STARD13: variants seen among roughly 807,000 people sequenced by gnomAD.
STARD13 encodes stAR-related lipid transfer protein 13.
Under a neutral mutation model 106.4 loss-of-function variants are expected in STARD13, and 62 were observed. That is an observed-to-expected ratio of 0.58 (90% CI 0.48 to 0.72). The LOEUF (loss-of-function observed/expected upper bound fraction) is 0.72. Among genes scored for constraint, STARD13 ranks in the 30% least tolerant of loss-of-function variants. The pLI, the probability that STARD13 is intolerant of heterozygous loss-of-function variation, is 0.00. For missense variants in STARD13, 1,387 were observed against 1,424.0 expected (o/e 0.97, Z 0.42); for synonymous variants, 565 against 553.0 (o/e 1.02, Z -0.31).
the STARD13 span, among the ~76,000 whole-genome samples, chr13:33,476,470 C>T: frequency 1.3e-5 from 2 of 152,048 alleles, no homozygotes; most frequent in African/African-American, 4.8e-5. Context: ...TTACTTTGTC[C>T]CTGTTTTGTG....
intron 7 of STARD13, among the ~76,000 whole-genome samples, chr13:33,123,379 CTCT>C (rs1020339343): frequency 1.6e-4 from 25 of 152,184 alleles, no homozygotes; most frequent in Admixed American, 2.0e-4. Context: ...CTTCCATTTC[CTCT>C]TCTTTAGAAA....
chr13:33,480,111 C>T, the STARD13 span, among the ~76,000 whole-genome samples: 43 of 152,078 alleles, frequency 2.8e-4, no homozygotes, highest in Non-Finnish European at 2.5e-4. Flanking sequence ...AGAAGGAATA[C>T]TTGTATGTGT....
chr13:33,189,830 CAGG>C (rs1315038158), intron 1 of STARD13, among the ~76,000 whole-genome samples: 2 of 151,998 alleles, frequency 1.3e-5, no homozygotes, highest in African/African-American at 4.8e-5. Flanking sequence ...CAGTTTCTAG[CAGG>C]AGTTCAGCAG....
At chr13:33,400,705 C>T in the STARD13 span, among the ~76,000 whole-genome samples, 4 of 152,126 alleles carry the variant, frequency 2.6e-5, no homozygotes, top group Admixed American at 1.3e-4. Flanking sequence ...CGTCGTGATC[C>T]GCCCGCCTTG....
chr13:33,114,938 C>T (rs1445434952), intron 8 of STARD13, among the ~76,000 whole-genome samples: 1 of 152,048 alleles, frequency 6.6e-6, no homozygotes, highest in African/African-American at 2.4e-5. Context: ...GCGGGTCCTG[C>T]CCCTTTCCTG....
chr13:33,398,078 G>A, the STARD13 span, among the ~76,000 whole-genome samples: 1 of 152,182 alleles, frequency 6.6e-6, no homozygotes, highest in Non-Finnish European at 1.5e-5. Context: ...GGTCAACTGG[G>A]CAATAAATGA....
At chr13:33,167,668 C>G (rs750072583) in intron 1 of STARD13, 46 bp from the exon 2 acceptor site, 1 of 1,552,160 alleles carries the variant, frequency 6.4e-7, no homozygotes, top group Non-Finnish European at 8.9e-7. Flanking sequence ...ACAGCCGCAC[C>G]CTAGTACTCT....
the STARD13 span, among the ~76,000 whole-genome samples, chr13:33,519,727 A>C: frequency 1.3e-5 from 2 of 152,124 alleles, no homozygotes; most frequent in Non-Finnish European, 2.9e-5. Flanking sequence ...CTCTGTTCCA[A>C]CTTCATAACA....
the STARD13 span, among the ~76,000 whole-genome samples, chr13:33,499,553 TTC>T: frequency 3.5e-5 from 2 of 57,484 alleles, no homozygotes; most frequent in Admixed American, 2.0e-4. Context: ...CTTCTTCTTC[TTC>T]TTCTTCTTCT....
At position 33,236,571 on chromosome 13, in the gene STARD13, CCT is replaced by C. The variant is rs372380527; in HGVS notation, c.169+48897_169+48898del. Among the ~76,000 whole-genome samples the C allele has an allele frequency of 1.8e-3, 274 of 152,292 alleles. 5 individuals are homozygous for C. The South Asian group carries it at 0.031, about 17-fold the overall frequency. ...CAGCAACAGTCTTCCTTGGCATCCC[CCT>C]GTTTCCTTAGCAATATGGTGGTCTA... On this transcript the variant is annotated intron_variant, in intron 1 of 13. Transcript: ENST00000336934.
At chr13:33,328,189 G>A (rs1201621527) in intron 1 of STARD13, among the ~76,000 whole-genome samples, 2 of 152,196 alleles carry the variant, frequency 1.3e-5, no homozygotes, top group Non-Finnish European at 2.9e-5. Flanking sequence ...CAGGATCCAG[G>A]TATAATGGTG....
At chr13:33,448,617 C>G in the STARD13 span, among the ~76,000 whole-genome samples, 3 of 152,068 alleles carry the variant, frequency 2.0e-5, no homozygotes, top group South Asian at 2.1e-4. Context: ...TGGATATATA[C>G]CCAGTAGTGG....
chr13:33,105,528 A>T lies in STARD13; in HGVS notation c.*65T>A, dbSNP rs938147077. The T allele has an allele frequency of 8.8e-7, 1 of 1,139,052 alleles. No individual in the cohort carries two copies. Among genetic ancestry groups the T allele is most frequent in the Non-Finnish European group, 1.3e-6 (1 of 748,652 alleles). The allele number at this position is 1,139,052 out of a possible 1,614,324, so 70.6% of individuals were successfully genotyped here. A position where few individuals can be genotyped will look rare whatever the true frequency, so the allele number is the denominator to read the frequency against. ...CTTTCTCTCGCTTTCTCACATGCAC[A>T]CTCTCTGCCACACTCGTCACTTTAG... On this transcript the variant is annotated 3_prime_UTR_variant, in exon 14 of 14. Coordinates refer to ENST00000336934, the MANE Select transcript of STARD13 (RefSeq NM_178006.4).
At chr13:33,415,571 G>A in the STARD13 span, among the ~76,000 whole-genome samples, 3 of 151,188 alleles carry the variant, frequency 2.0e-5, no homozygotes, top group African/African-American at 7.3e-5. Context: ...TCTTTTTTTT[G>A]TTGTTAAACA....
intron 1 of STARD13, among the ~76,000 whole-genome samples, chr13:33,299,217 CACA>C (rs1195828489): frequency 2.6e-5 from 4 of 152,166 alleles, no homozygotes; most frequent in East Asian, 1.9e-4. Flanking sequence ...ATAATGTTCA[CACA>C]ACAACAAAAT....
chr13:33,649,365 C>A, the STARD13 span, among the ~76,000 whole-genome samples: 2 of 152,274 alleles, frequency 1.3e-5, no homozygotes, highest in South Asian at 4.1e-4. Flanking sequence ...AATATGTTCT[C>A]TTTGAGAGGC....
intron 3 of STARD13, among the ~76,000 whole-genome samples, chr13:33,163,734 C>CAT (rs747016619): frequency 0.028 from 2,063 of 72,838 alleles, 47 homozygotes; most frequent in African/African-American, 0.062. Flanking sequence ...ATATATAAAA[C>CAT]ATATATATAT....
At chr13:33,613,462 G>A in the STARD13 span, among the ~76,000 whole-genome samples, 1 of 152,230 alleles carries the variant, frequency 6.6e-6, no homozygotes, top group Non-Finnish European at 1.5e-5. Flanking sequence ...GGTGCAGTAA[G>A]GTGGTGTGAG....
At chr13:33,499,604 T>TTTCTTCTTCTTCTTCTTCTTCTTCTTC in the STARD13 span, among the ~76,000 whole-genome samples, 2 of 39,898 alleles carry the variant, frequency 5.0e-5, no homozygotes, top group Non-Finnish European at 9.9e-5. Flanking sequence ...CTTCTTCTTC[T>TTTCTTCTTCTTCTTCTTCTTCTTCTTC]TTCTTCTTCT....
Sources: gnomAD v4.1 joint callset for allele counts (sites outside exome capture counted in the v4.1 genomes callset) on GRCh38, gnomAD v4.1.1 for gene constraint, MANE v1.5 for transcripts, NCBI Gene and HGNC (gene_info 2026-07-23, HGNC 2026-07-21) for gene names.